The following PIK3CB variants were observed in gnomAD, a reference collection of about 807,000 sequenced individuals.
The protein encoded by PIK3CB is phosphatidylinositol 4,5-bisphosphate 3-kinase catalytic subunit beta isoform.
In PIK3CB, 39 loss-of-function variants were observed where a neutral mutation model predicts 136.8. That is an observed-to-expected ratio of 0.29 (90% confidence interval 0.22 to 0.37). The LOEUF is 0.37. Ranked by LOEUF, PIK3CB falls within the 10% of genes least tolerant of loss-of-function variation. The pLI, the probability that PIK3CB is intolerant of heterozygous loss-of-function variation, is 1.00. For synonymous variants in PIK3CB, 428 were observed against 436.6 expected, an observed-to-expected ratio of 0.98 and a Z score of 0.25; for missense variants, 868 against 1,275.4, an observed-to-expected ratio of 0.68 and a Z score of 4.87.
intron 8 of PIK3CB, among the ~76,000 whole-genome samples, chr3:138,722,994 T>A (rs907110133): frequency 6.6e-6 from 1 of 151,758 alleles, no homozygotes; most frequent in African/African-American, 2.4e-5. Context: ...AGTTGACAAA[T>A]CGTTAAAAAG....
chr3:138,733,141 G>C (rs1482063435), intron 8 of PIK3CB, among the ~76,000 whole-genome samples: 2 of 151,160 alleles, frequency 1.3e-5, no homozygotes, highest in African/African-American at 4.9e-5. Context: ...AATCTTTCCA[G>C]TAGATCTCTA....
In PIK3CB at chr3:138,657,409, C is replaced by T. The variant is rs1170451579; in HGVS notation, c.2942+281G>A. ...TGTCTTTTCAGCATCTTCCTATCAA[C>T]TGTCTTAATAGTTTCAGAGAATGTT... is the stretch of plus-strand genomic sequence containing the variant. On this transcript the variant is annotated intron_variant, in intron 22 of 23. Transcript: ENST00000674063. The T allele has an allele frequency of 2.1e-5, 6 of 289,458 alleles. 1 individual carries two copies. Among genetic ancestry groups the T allele is most frequent in the South Asian group, 5.2e-5 (1 of 19,394 alleles). 17.9% of individuals were successfully genotyped at this position (289,458 alleles called of 1,614,324 possible).
Position 138,653,186 on chromosome 3 carries a change from C to A in PIK3CB, c.*2203G>T. 1 of 180,140 alleles carries A rather than the reference C, an allele frequency of 5.6e-6. No homozygotes were observed. Among genetic ancestry groups the A allele is most frequent in the Non-Finnish European group, 1.2e-5 (1 of 84,232 alleles). 11.2% of individuals were successfully genotyped at this position (180,140 alleles called of 1,614,324 possible). On this transcript the variant is annotated 3_prime_UTR_variant, in exon 24 of 24. Coordinates refer to ENST00000674063, the MANE Select transcript of PIK3CB (RefSeq NM_006219.3). ...TCTCAACCTTGTCTATAGCTTAATG[C>A]AATTTGATTCAAAATTTCCATAGAT...
chr3:138,774,433 A>G (rs563453121), intron 2 of PIK3CB, among the ~76,000 whole-genome samples: 2 of 152,368 alleles, frequency 1.3e-5, no homozygotes, highest in East Asian at 1.9e-4. Context: ...ATTTTAGACA[A>G]AAGTTTCATT....
intron 19 of PIK3CB, among the ~76,000 whole-genome samples, chr3:138,679,656 TCA>T (rs2043722653): frequency 6.6e-6 from 1 of 151,730 alleles, no homozygotes; most frequent in Admixed American, 6.6e-5. Context: ...TGATCTTGGC[TCA>T]CTGCAGCCTT....
chr3:138,685,396 CAAAAAAAAA>C lies in PIK3CB; in HGVS notation c.2137-602_2137-594del, dbSNP rs398052626. 8.4e-4 allele frequency among the ~76,000 whole-genome samples: 49 copies of C among 58,350 alleles called. 1 individual carries two copies. The highest frequency in any genetic ancestry group is 4.8e-3 in the African/African-American group (49 of 10,140). The allele number at this position is 58,350 out of a possible 152,430, so 38.3% of individuals were successfully genotyped here. On this transcript the variant is annotated intron_variant, in intron 16 of 23. Transcript: ENST00000674063. ...TGGGTAAGAGAGTGAGAAACTGTCT[CAAAAAAAAA>C]AAAAAAAAAAAAAAAAAAGAAAGAA...
chr3:138,682,187 C>T (rs979902828), intron 18 of PIK3CB, 142 bp from the exon 19 acceptor site: 2 of 565,172 alleles, frequency 3.5e-6, no homozygotes, highest in East Asian at 3.0e-5. Context: ...ACAAATATTA[C>T]ACTCTTTGGA....
intron 2 of PIK3CB, among the ~76,000 whole-genome samples, chr3:138,787,977 T>G (rs150928690): frequency 6.6e-6 from 1 of 150,532 alleles, no homozygotes; most frequent in South Asian, 2.1e-4. Context: ...GGCTGGAGTA[T>G]AGTGGTATGA....
At chr3:138,728,187 A>T (rs1167679623) in intron 8 of PIK3CB, among the ~76,000 whole-genome samples, 1 of 152,210 alleles carries the variant, frequency 6.6e-6, no homozygotes, top group Non-Finnish European at 1.5e-5. Context: ...AAGTTCAATT[A>T]AATATTTAAG....
At chr3:138,677,183 C>T (rs1344236929) in intron 19 of PIK3CB, among the ~76,000 whole-genome samples, 3 of 151,962 alleles carry the variant, frequency 2.0e-5, no homozygotes, top group Admixed American at 1.3e-4. Flanking sequence ...CCTCAGCCTC[C>T]CCAGTAGCTG....
intron 19 of PIK3CB, among the ~76,000 whole-genome samples, chr3:138,675,346 A>G (rs2043622317): frequency 6.6e-6 from 1 of 152,146 alleles, no homozygotes; most frequent in Non-Finnish European, 1.5e-5. Flanking sequence ...AAAGCAATAA[A>G]TGCATAATGG....
At chr3:138,665,234 A>G in intron 19 of PIK3CB, 31 bp from the exon 20 acceptor site, 1 of 1,475,336 alleles carries the variant, frequency 6.8e-7, no homozygotes, top group Non-Finnish European at 9.1e-7. Context: ...ATAGAGTCAT[A>G]TTTTCCTTAA....
intron 8 of PIK3CB, among the ~76,000 whole-genome samples, chr3:138,715,635 T>C (rs935705964): frequency 3.9e-5 from 6 of 152,124 alleles, no homozygotes; most frequent in African/African-American, 1.2e-4. Flanking sequence ...GGAAGATAAA[T>C]ACCCAAGAAT....
intron 10 of PIK3CB, among the ~76,000 whole-genome samples, chr3:138,708,579 G>C (rs1002072702): frequency 6.9e-4 from 101 of 145,464 alleles, no homozygotes; most frequent in Admixed American, 2.1e-3. Context: ...ATTTTCACCT[G>C]GATGGAGGCA....
At chr3:138,781,502 G>C (rs1247554244) in intron 2 of PIK3CB, among the ~76,000 whole-genome samples, 2 of 151,628 alleles carry the variant, frequency 1.3e-5, no homozygotes, top group Non-Finnish European at 2.9e-5. Context: ...ACCCAGGCTG[G>C]AGTGCAGTGG....
rs139539529 is a variant in PIK3CB at position 138,832,047 on chromosome 3, T to A, written c.-122+2648A>T. Among the ~76,000 whole-genome samples, 43 of 152,356 alleles carry A rather than the reference T, an allele frequency of 2.8e-4. 1 individual carries two copies. Among genetic ancestry groups the A allele is most frequent in the African/African-American group, 1.0e-3 (43 of 41,578 alleles). On this transcript the variant is annotated intron_variant, in intron 1 of 23. Coordinates refer to ENST00000674063, the MANE Select transcript of PIK3CB (RefSeq NM_006219.3). ...TGACTCCCAGCCTTTTCACAGTGGCTAGCAGTAGTTCTACTGTTGAGTTCA... is the reference window on the plus strand; with the variant it reads ...TGACTCCCAGCCTTTTCACAGTGGCAAGCAGTAGTTCTACTGTTGAGTTCA...
intron 12 of PIK3CB, among the ~76,000 whole-genome samples, chr3:138,703,671 C>G (rs1409679046): frequency 2.6e-5 from 4 of 151,976 alleles, no homozygotes; most frequent in Non-Finnish European, 5.9e-5. Flanking sequence ...CCCAAGTCAA[C>G]AAAGTAACCT....
chr3:138,744,556 C>A (rs2045315259), intron 4 of PIK3CB, among the ~76,000 whole-genome samples: 1 of 151,768 alleles, frequency 6.6e-6, no homozygotes, highest in Non-Finnish European at 1.5e-5. Flanking sequence ...CAAGGGGAGG[C>A]AGCAGACGCA....
intron 21 of PIK3CB, among the ~76,000 whole-genome samples, chr3:138,659,208 C>A (rs1011843501): frequency 1.4e-4 from 21 of 152,204 alleles, no homozygotes; most frequent in Admixed American, 1.4e-3. Context: ...TAACAAATGT[C>A]CCCTGAGTGA....
Sources: gnomAD v4.1 joint callset for allele counts (sites outside exome capture counted in the v4.1 genomes callset) on GRCh38, gnomAD v4.1.1 for gene constraint, MANE v1.5 for transcripts, NCBI Gene and HGNC (gene_info 2026-07-23, HGNC 2026-07-21) for gene names.